TTYH3: variants seen among roughly 807,000 people sequenced by gnomAD.
TTYH3 encodes tweety family member 3, also known as protein tweety homolog 3.
Under a neutral mutation model 68.2 loss-of-function variants are expected in TTYH3, and 23 were observed. The ratio of observed to expected loss-of-function variants is 0.34; its 90% CI spans 0.24 to 0.48. The LOEUF is 0.48. Among genes scored for constraint, TTYH3 ranks in the 20% least tolerant of loss-of-function variants. The pLI is 0.99. For missense variants in TTYH3, 768 were observed against 727.7 expected (o/e 1.06, Z -0.64); for synonymous variants, 360 against 332.8 (o/e 1.08, Z -0.89).
chr7:2,632,953 C>G (rs1476103512), intron 1 of TTYH3, among the ~76,000 whole-genome samples: 2 of 152,060 alleles, frequency 1.3e-5, no homozygotes, highest in Non-Finnish European at 2.9e-5. Flanking sequence ...GAGGGAGGCC[C>G]GGCGGCCAGG....
intron 1 of TTYH3, among the ~76,000 whole-genome samples, chr7:2,634,970 G>C (rs12538424): frequency 0.32 from 48,058 of 151,958 alleles, 7,773 homozygotes; most frequent in East Asian, 0.44. Flanking sequence ...AGCTGATGGG[G>C]GCTGAGGGAG....
Position 2,661,674 on chromosome 7 carries a change from T to A in TTYH3, c.1507T>A (p.Ser503Thr). The A allele has an allele frequency of 6.2e-7, 1 of 1,612,118 alleles. No individual in the cohort carries two copies. Among genetic ancestry groups the A allele is most frequent in the Non-Finnish European group, 8.5e-7 (1 of 1,179,464 alleles). Residue 503 changes from serine (S) to threonine (T), a missense_variant, in exon 14 of 14, where the codon TCC (serine) becomes ACC (threonine). Physicochemically the swap from Ser to Thr is moderately conservative, Grantham distance 58 (BLOSUM62 1). Coordinates refer to ENST00000258796, the MANE Select transcript of TTYH3 (RefSeq NM_025250.3). The stretch of plus-strand genomic sequence containing the variant: ...CCCCCTTGTCTCCCTCCAGTACACC[T>A]CCAGCATGAGAGCCAAATACCTCGC... Reference protein sequence around the residue: ...GRESPPPSYTSSMRAKYLATS... With the variant: ...GRESPPPSYTTSMRAKYLATS...
At chr7:2,641,137 G>A (rs1346402433) in intron 1 of TTYH3, among the ~76,000 whole-genome samples, 3 of 152,216 alleles carry the variant, frequency 2.0e-5, no homozygotes, top group Non-Finnish European at 4.4e-5. Context: ...ACCAGCCAGT[G>A]CCCCAGGCAT....
At position 2,642,801 on chromosome 7, in the gene TTYH3, G is replaced by A. The variant is rs562003691; in HGVS notation, c.124-4052G>A. ...ACTTGGGCTGGGTGTGGTGGCTCAC[G>A]TCTGTAATCCCAGCACTTTGGGAAG... On this transcript the variant is annotated intron_variant, in intron 1 of 13. Transcript: ENST00000258796. Among the ~76,000 whole-genome samples, 5 of 145,492 alleles carry A rather than the reference G, an allele frequency of 3.4e-5. No individual in the cohort carries two copies. The South Asian group carries it at 6.4e-4, about 19-fold the overall frequency.
rs992118115 is a variant in TTYH3 at position 2,648,971 on chromosome 7, G to T, written c.723-596G>T. On this transcript the variant is annotated intron_variant, in intron 5 of 13. Coordinates refer to ENST00000258796, the MANE Select transcript of TTYH3 (RefSeq NM_025250.3). ...AGTGGGGTGTGGGGCCCGCAGTGGG[G>T]TGTGGGGCCTGCACTGGGGTGTGTT... is the stretch of plus-strand genomic sequence containing the variant. 1.8e-4 allele frequency among the ~76,000 whole-genome samples: 25 copies of T among 141,422 alleles called. 3 individuals carry two copies. The highest frequency in any genetic ancestry group is 6.2e-4 in the African/African-American group (23 of 37,094). The allele number at this position is 141,422 out of a possible 152,430, so 92.8% of individuals were successfully genotyped here. A position where few individuals can be genotyped will look rare whatever the true frequency, so the allele number is the denominator to read the frequency against.
At chr7:2,659,924 C>T (rs948787897) in intron 13 of TTYH3, 2 of 1,301,842 alleles carry the variant, frequency 1.5e-6, no homozygotes, top group East Asian at 5.6e-5. Context: ...ACCCCACCCA[C>T]CCCGGGCCCT....
At chr7:2,642,946 C>G (rs1459357821) in intron 1 of TTYH3, among the ~76,000 whole-genome samples, 2 of 151,478 alleles carry the variant, frequency 1.3e-5, no homozygotes, top group African/African-American at 4.9e-5. Context: ...ACCTGTAATC[C>G]CAGCTACTTG....
intron 9 of TTYH3, 116 bp downstream of exon 9, chr7:2,653,126 C>T (rs1224669886): frequency 4.6e-6 from 4 of 866,030 alleles, no homozygotes; most frequent in East Asian, 2.7e-5. Flanking sequence ...CCAGGCTGGC[C>T]GAGTGGGGAC....
intron 5 of TTYH3, 75 bp downstream of exon 5, chr7:2,648,129 C>A (rs1786053183): frequency 2.9e-6 from 4 of 1,390,384 alleles, no homozygotes; most frequent in Non-Finnish European, 4.0e-6. Flanking sequence ...ACCCCTTCCC[C>A]CACCTCATCT....
chr7:2,659,383 C>T lies in TTYH3; in HGVS notation c.1500+368C>T, dbSNP rs146289921. Reference sequence around the variant, plus strand: ...CTGTGGCCCTCCCAGCTTGTAGGCACGGCCCTGCACCAGGCCCTCCCTGGC... The same window carrying T: ...CTGTGGCCCTCCCAGCTTGTAGGCATGGCCCTGCACCAGGCCCTCCCTGGC... On this transcript the variant is annotated intron_variant, in intron 13 of 13. Transcript: ENST00000258796. Among the ~76,000 whole-genome samples, 7 of 152,338 alleles carry T rather than the reference C, an allele frequency of 4.6e-5. No individual in the cohort carries two copies. In the East Asian group the frequency reaches 7.7e-4, roughly 17 times the overall value.
intron 1 of TTYH3, 82 bp from the exon 2 acceptor site, chr7:2,646,771 C>T (rs1180870361): frequency 7.7e-6 from 11 of 1,423,526 alleles, no homozygotes; most frequent in Admixed American, 2.2e-5. Flanking sequence ...TGGGAGTCTG[C>T]GCCAGGTCCC....
intron 1 of TTYH3, among the ~76,000 whole-genome samples, chr7:2,643,158 A>G (rs562867257): frequency 6.6e-6 from 1 of 151,416 alleles, no homozygotes; most frequent in African/African-American, 2.4e-5. Context: ...AATCGAGAGC[A>G]TCCTGGCTAA....
intron 1 of TTYH3, among the ~76,000 whole-genome samples, chr7:2,640,731 C>T (rs766832878): frequency 5.3e-5 from 8 of 152,340 alleles, no homozygotes; most frequent in East Asian, 1.9e-4. Context: ...GCCAGGAGGC[C>T]GCGGCAGGCG....
chr7:2,638,590 G>A (rs1785743417), intron 1 of TTYH3, among the ~76,000 whole-genome samples: 1 of 152,206 alleles, frequency 6.6e-6, no homozygotes. Context: ...TCAGGAGTTG[G>A]GGACAGGGAC....
chr7:2,646,660 C>T (rs971331527), intron 1 of TTYH3, among the ~76,000 whole-genome samples, 193 bp from the exon 2 acceptor site: 3 of 152,204 alleles, frequency 2.0e-5, no homozygotes, highest in African/African-American at 7.2e-5. Context: ...GGGTCCAGGC[C>T]TGGGTGACCC....
Position 2,645,214 on chromosome 7 carries a change from A to T in TTYH3, c.124-1639A>T, listed in dbSNP as rs1438691105. ...CAGCTCCCCATCCCTCCCCCGGCAC[A>T]GGAAGTGTGTGGAGGTTCTGGAGGG... On this transcript the variant is annotated intron_variant, in intron 1 of 13. Transcript: ENST00000258796. The surrounding 1 kb of genome is among the most constrained non-coding windows in gnomAD (Gnocchi z 4.8). Among the ~76,000 whole-genome samples the T allele has an allele frequency of 6.6e-6, 1 of 152,126 alleles. No individual in the cohort carries two copies. The highest frequency in any genetic ancestry group is 1.5e-5 in the Non-Finnish European group (1 of 68,002).
At chr7:2,636,369 C>T (rs780161628) in intron 1 of TTYH3, among the ~76,000 whole-genome samples, 2 of 152,112 alleles carry the variant, frequency 1.3e-5, no homozygotes, top group Non-Finnish European at 2.9e-5. Context: ...GAGACAGAAG[C>T]GTCCCTCCAG....
intron 1 of TTYH3, among the ~76,000 whole-genome samples, chr7:2,641,575 A>C (rs1227519594): frequency 1.3e-5 from 2 of 152,078 alleles, no homozygotes; most frequent in Non-Finnish European, 2.9e-5. Flanking sequence ...CCCTTACATC[A>C]CTTCCACCAC....
intron 7 of TTYH3, among the ~76,000 whole-genome samples, chr7:2,651,090 C>T (rs952073394): frequency 6.6e-6 from 1 of 151,986 alleles, no homozygotes; most frequent in African/African-American, 2.4e-5. Context: ...CGATGTGTGT[C>T]GGACGGCACA....
Sources: gnomAD v4.1 joint callset for allele counts (sites outside exome capture counted in the v4.1 genomes callset) on GRCh38, gnomAD v4.1.1 for gene constraint, Gnocchi (gnomAD v3.1) non-coding constraint, MANE v1.5 for transcripts, NCBI Gene and HGNC (gene_info 2026-07-23, HGNC 2026-07-21) for gene names.